Variants in SIPA1L1 observed in about 807,000 individuals in gnomAD.
SIPA1L1 encodes the protein signal induced proliferation associated 1 like 1.
In SIPA1L1, 26 loss-of-function variants were observed where a neutral mutation model predicts 162.7. The observed-to-expected ratio is 0.16, with a 90% CI of 0.12 to 0.22. SIPA1L1 has a LOEUF of 0.22. Among genes scored for constraint, SIPA1L1 ranks in the 10% least tolerant of loss-of-function variants. The pLI is 1.00. For missense variants in SIPA1L1, 1,874 were observed against 2,241.0 expected, an observed-to-expected ratio of 0.84 and a Z score of 3.31; for synonymous variants, 829 against 837.4, an observed-to-expected ratio of 0.99 and a Z score of 0.17.
chr14:71,617,283 C>T (rs1018231075), intron 5 of SIPA1L1, among the ~76,000 whole-genome samples: 3 of 152,216 alleles, frequency 2.0e-5, no homozygotes, highest in African/African-American at 7.2e-5. Context: ...CTGGAATTAT[C>T]ACACCTCTGA....
chr14:71,569,173 A>G (rs1270282824), intron 4 of SIPA1L1, among the ~76,000 whole-genome samples: 1 of 152,202 alleles, frequency 6.6e-6, no homozygotes, highest in Non-Finnish European at 1.5e-5. Context: ...GTAAGGGGGA[A>G]AGACATAGGA....
In SIPA1L1 at chr14:71,491,122, A is replaced by G. The variant is rs370529198; in HGVS notation, c.-464-21621A>G. Among the ~76,000 whole-genome samples the G allele has an allele frequency of 4.6e-5, 7 of 152,334 alleles. No homozygotes were observed. In the East Asian group the frequency reaches 9.6e-4, roughly 21 times the overall value. Reference sequence around the variant, plus strand: ...AAATAAAAAGAAATTAAATTCACCTATTAATATATTTCTAACTCATTGGAA... The same window carrying G: ...AAATAAAAAGAAATTAAATTCACCTGTTAATATATTTCTAACTCATTGGAA... On this transcript the variant is annotated intron_variant, in intron 2 of 23. Transcript: ENST00000381232.
intron 16 of SIPA1L1, among the ~76,000 whole-genome samples, chr14:71,705,811 A>T (rs902314924): frequency 6.6e-6 from 1 of 151,982 alleles, no homozygotes; most frequent in Non-Finnish European, 1.5e-5. Flanking sequence ...CTTGTCTTTC[A>T]TAGCCATACA....
At chr14:71,435,325 C>T (rs2044290988) in intron 2 of SIPA1L1, among the ~76,000 whole-genome samples, 1 of 152,050 alleles carries the variant, frequency 6.6e-6, no homozygotes, top group Admixed American at 6.6e-5. Flanking sequence ...TCCCTCCTCC[C>T]TTCCCCCACC....
intron 2 of SIPA1L1, among the ~76,000 whole-genome samples, chr14:71,372,445 G>T (rs1312718486): frequency 6.6e-6 from 1 of 152,018 alleles, no homozygotes; most frequent in Non-Finnish European, 1.5e-5. Context: ...CCTCTTAGAG[G>T]AATTTACTTC....
intron 4 of SIPA1L1, among the ~76,000 whole-genome samples, chr14:71,553,109 C>T (rs1428593107): frequency 6.6e-6 from 1 of 152,140 alleles, no homozygotes; most frequent in Non-Finnish European, 1.5e-5. Flanking sequence ...GCAATGAATA[C>T]TTTTTCTTCT....
At chr14:71,665,909 C>G (rs1478242949) in intron 10 of SIPA1L1, among the ~76,000 whole-genome samples, 1 of 151,986 alleles carries the variant, frequency 6.6e-6, no homozygotes, top group Non-Finnish European at 1.5e-5. Context: ...TGAATGTGGT[C>G]TCTCTCTCAA....
At chr14:71,672,170 A>G (rs1476781491) in intron 11 of SIPA1L1, among the ~76,000 whole-genome samples, 178 bp from the exon 12 acceptor site, 1 of 152,182 alleles carries the variant, frequency 6.6e-6, no homozygotes. Context: ...GGATGCAACA[A>G]GTATATTCCT....
chr14:71,635,266 C>T (rs144457917), intron 7 of SIPA1L1, among the ~76,000 whole-genome samples: 211 of 151,978 alleles, frequency 1.4e-3, no homozygotes, highest in Non-Finnish European at 2.5e-3. Context: ...GCAACAAAAG[C>T]GAAACTCCAT....
intron 4 of SIPA1L1, among the ~76,000 whole-genome samples, chr14:71,544,812 C>T (rs1453501527): frequency 6.6e-6 from 1 of 152,120 alleles, no homozygotes; most frequent in Non-Finnish European, 1.5e-5. Context: ...GTTCTTAAGT[C>T]AATTATACAC....
chr14:71,685,776 G>A (rs1013063902), intron 13 of SIPA1L1, 145 bp downstream of exon 13: 5 of 1,062,966 alleles, frequency 4.7e-6, no homozygotes, highest in South Asian at 1.7e-5. Context: ...GACTTTCAAA[G>A]CATGGTAGTG....
At chr14:71,575,783 A>T (rs886845350) in intron 4 of SIPA1L1, among the ~76,000 whole-genome samples, 7 of 152,124 alleles carry the variant, frequency 4.6e-5, no homozygotes, top group Non-Finnish European at 1.0e-4. Context: ...GCTCCTTTTT[A>T]TGCCTGTTTT....
intron 2 of SIPA1L1, among the ~76,000 whole-genome samples, chr14:71,498,847 T>C (rs2049986725): frequency 1.3e-5 from 2 of 152,206 alleles, no homozygotes; most frequent in South Asian, 4.1e-4. Context: ...CAGGATGAAG[T>C]AGGCTTTTTG....
intron 15 of SIPA1L1, chr14:71,704,786 A>G (rs762181613): frequency 1.2e-6 from 2 of 1,601,642 alleles, no homozygotes; most frequent in Admixed American, 1.7e-5. Context: ...ATATACAGGT[A>G]AAATATTTCC....
chr14:71,385,973 A>G (rs906878744), intron 2 of SIPA1L1, among the ~76,000 whole-genome samples: 1 of 152,186 alleles, frequency 6.6e-6, no homozygotes, highest in Admixed American at 6.5e-5. Flanking sequence ...AGCGTGTGCC[A>G]TCGCACCTGG....
At chr14:71,574,552 T>G (rs747736430) in intron 4 of SIPA1L1, 3 of 152,212 alleles carry the variant, frequency 2.0e-5, no homozygotes, top group Non-Finnish European at 4.4e-5. Context: ...CTAAGACTCG[T>G]GCTAATATGC....
At chr14:71,433,110 G>A (rs766334469) in intron 2 of SIPA1L1, among the ~76,000 whole-genome samples, 6 of 152,170 alleles carry the variant, frequency 3.9e-5, no homozygotes, top group Non-Finnish European at 5.9e-5. Flanking sequence ...GGTTTGACAA[G>A]GTTATTCTGC....
intron 16 of SIPA1L1, among the ~76,000 whole-genome samples, chr14:71,706,858 AC>A (rs769572878): frequency 3.3e-5 from 5 of 151,638 alleles, no homozygotes; most frequent in Admixed American, 3.3e-4. Flanking sequence ...ATATGATGAA[AC>A]CGTCTCTACT....
At chr14:71,520,757 T>C (rs1171781780) in intron 3 of SIPA1L1, among the ~76,000 whole-genome samples, 1 of 152,086 alleles carries the variant, frequency 6.6e-6, no homozygotes, top group Non-Finnish European at 1.5e-5. Context: ...CTTTCCTTAT[T>C]ATTATTTATT....
Sources: gnomAD v4.1 joint callset for allele counts (sites outside exome capture counted in the v4.1 genomes callset) on GRCh38, gnomAD v4.1.1 for gene constraint, MANE v1.5 for transcripts, NCBI Gene and HGNC (gene_info 2026-07-23, HGNC 2026-07-21) for gene names.